Variants in RASGEF1A observed in about 807,000 individuals in gnomAD.
The protein encoded by RASGEF1A is ras-GEF domain-containing family member 1A.
Under a neutral mutation model 56.4 loss-of-function variants are expected in RASGEF1A, and 18 were observed. That is an observed-to-expected ratio of 0.32 (90% confidence interval 0.22 to 0.47). The LOEUF (loss-of-function observed/expected upper bound fraction) is 0.47. Ranked by LOEUF, RASGEF1A falls within the 20% of genes least tolerant of loss-of-function variation. RASGEF1A has a pLI of 1.00. For missense variants in RASGEF1A, 422 were observed against 627.1 expected, an observed-to-expected ratio of 0.67 and a Z score of 3.49; for synonymous variants, 245 against 242.6, an observed-to-expected ratio of 1.01 and a Z score of -0.09.
intron 1 of RASGEF1A, among the ~76,000 whole-genome samples, chr10:43,229,977 G>T (rs1395481125): frequency 1.3e-5 from 2 of 151,960 alleles, no homozygotes; most frequent in Non-Finnish European, 2.9e-5. Flanking sequence ...CGCGCGCCTG[G>T]CGCTAGGTGT....
intron 1 of RASGEF1A, among the ~76,000 whole-genome samples, chr10:43,239,851 T>C (rs544414839): frequency 2.6e-5 from 4 of 152,352 alleles, no homozygotes; most frequent in Admixed American, 1.3e-4. Flanking sequence ...AAACAATTAC[T>C]GGTATTTAAT....
intron 1 of RASGEF1A, among the ~76,000 whole-genome samples, chr10:43,245,350 C>T (rs1293290747): frequency 2.0e-5 from 3 of 152,152 alleles, no homozygotes; most frequent in Non-Finnish European, 4.4e-5. Context: ...TTCTGCCAAA[C>T]ACTTAAAGAA....
intron 1 of RASGEF1A, among the ~76,000 whole-genome samples, chr10:43,235,461 G>A (rs1840418575): frequency 6.6e-6 from 1 of 152,206 alleles, no homozygotes; most frequent in Non-Finnish European, 1.5e-5. Context: ...CACACTCAGA[G>A]AATCCAGGGT....
chr10:43,214,451 C>A (rs1013727597), intron 1 of RASGEF1A, among the ~76,000 whole-genome samples: 3 of 152,206 alleles, frequency 2.0e-5, no homozygotes, highest in Non-Finnish European at 2.9e-5. Context: ...ACCCCGCCCC[C>A]CTTCGTAGGT....
At chr10:43,203,255 T>A (rs368742688) in intron 3 of RASGEF1A, 43 bp downstream of exon 3, 1 of 1,374,194 alleles carries the variant, frequency 7.3e-7, no homozygotes, top group Non-Finnish European at 9.6e-7. Flanking sequence ...CCTCGCCTCC[T>A]GCCCCCTGCC....
At chr10:43,210,753 C>T (rs1452465071) in intron 1 of RASGEF1A, among the ~76,000 whole-genome samples, 1 of 152,244 alleles carries the variant, frequency 6.6e-6, no homozygotes, top group Non-Finnish European at 1.5e-5. Context: ...AGGATGTAGG[C>T]ACAGACGGGG....
At chr10:43,201,440 G>C (rs1056985155) in intron 4 of RASGEF1A, among the ~76,000 whole-genome samples, 5 of 152,172 alleles carry the variant, frequency 3.3e-5, no homozygotes, top group African/African-American at 9.7e-5. Context: ...ATGGGAGACC[G>C]GTTTAAAGCC....
In RASGEF1A at chr10:43,195,468, C is replaced by G. The variant is rs114566207; in HGVS notation, c.*776G>C. 394 of 152,352 alleles carry G rather than the reference C, an allele frequency of 2.6e-3. No individual in the cohort carries two copies. The highest frequency in any genetic ancestry group is 8.6e-3 in the African/African-American group (358 of 41,546). 9.4% of individuals were successfully genotyped at this position (152,352 alleles called of 1,614,324 possible). A position where few individuals can be genotyped will look rare whatever the true frequency, so the allele number is the denominator to read the frequency against. On this transcript the variant is annotated 3_prime_UTR_variant, in exon 13 of 13. Transcript: ENST00000395810. This position sits in a 1 kb window ranked among gnomAD's most constrained non-coding sequence, Gnocchi z 4.2. Reference sequence around the variant, plus strand: ...CTTCATCACAGCTCAGTGTGTCTTTCAGTCACAGCCCAGAAAACTGACAAC... The same window carrying G: ...CTTCATCACAGCTCAGTGTGTCTTTGAGTCACAGCCCAGAAAACTGACAAC...
chr10:43,199,857 G>T (rs1839865758), intron 6 of RASGEF1A, 89 bp from the exon 7 acceptor site: 14 of 1,075,072 alleles, frequency 1.3e-5, no homozygotes, highest in Non-Finnish European at 2.0e-5. Context: ...CCCAGCTATG[G>T]CTCAGCCTGC....
intron 1 of RASGEF1A, among the ~76,000 whole-genome samples, chr10:43,214,170 A>C (rs1840104237): frequency 6.6e-6 from 1 of 152,204 alleles, no homozygotes; most frequent in Non-Finnish European, 1.5e-5. Flanking sequence ...AGCTGCAGCT[A>C]CGATGGAGGC....
At chr10:43,224,391 C>T (rs1840246520) in intron 1 of RASGEF1A, among the ~76,000 whole-genome samples, 1 of 152,126 alleles carries the variant, frequency 6.6e-6, no homozygotes, top group Admixed American at 6.5e-5. Flanking sequence ...ATGAACTCAG[C>T]AGCATTTTTA....
rs751669954 is a variant in RASGEF1A at position 43,196,312 on chromosome 10, G to A, written c.1422-44C>T. ...AGCAGTGCTCAGGCCCGAGCAGGGCGGCTTGGGTCCAAGCCATCCTCAGCC... is the reference window on the plus strand; with the variant it reads ...AGCAGTGCTCAGGCCCGAGCAGGGCAGCTTGGGTCCAAGCCATCCTCAGCC... On this transcript the variant is annotated intron_variant, in intron 12 of 12. Transcript: ENST00000395810. The surrounding 1 kb of genome is among the most constrained non-coding windows in gnomAD (Gnocchi z 4.6). The A allele has an allele frequency of 1.4e-5, 22 of 1,609,522 alleles. No individual in the cohort carries two copies. Among genetic ancestry groups the A allele is most frequent in the African/African-American group, 9.4e-5 (7 of 74,782 alleles).
In RASGEF1A at chr10:43,240,171, C is replaced by G. The variant is rs556521230; in HGVS notation, c.-7+26674G>C. Among the ~76,000 whole-genome samples the G allele has an allele frequency of 3.3e-5, 5 of 152,296 alleles. No homozygotes were observed. In the South Asian group the frequency reaches 1.0e-3, roughly 32 times the overall value. The stretch of plus-strand genomic sequence containing the variant: ...TACCCAAAGACACAGAGCCCCTTAG[C>G]GAAGACTGAGAACTTTATTGACTCC... On this transcript the variant is annotated intron_variant, in intron 1 of 12. Coordinates refer to ENST00000395810, the MANE Select transcript of RASGEF1A (RefSeq NM_145313.4).
chr10:43,243,310 G>C (rs1249236768), intron 1 of RASGEF1A, among the ~76,000 whole-genome samples: 1 of 151,698 alleles, frequency 6.6e-6, no homozygotes, highest in South Asian at 2.1e-4. Flanking sequence ...GCCCCGTCTG[G>C]GAAGTGAGGA....
rs550362088 is a variant in RASGEF1A, at chr10:43,250,517, C to T, written c.-7+16328G>A. Among the ~76,000 whole-genome samples, 8 of 152,366 alleles carry T rather than the reference C, an allele frequency of 5.3e-5. No homozygotes were observed. In the South Asian group the frequency reaches 1.7e-3, roughly 32 times the overall value. On this transcript the variant is annotated intron_variant, in intron 1 of 12. Transcript: ENST00000395810. ...AGAAACAGATTCCTGGGCTCCGCCCCCAGGCCGAGTGAATCAGAGTCTGGG... is the reference window on the plus strand; with the variant it reads ...AGAAACAGATTCCTGGGCTCCGCCCTCAGGCCGAGTGAATCAGAGTCTGGG...
intron 3 of RASGEF1A, 101 bp from the exon 4 acceptor site, chr10:43,202,046 C>G: frequency 2.3e-6 from 3 of 1,328,342 alleles, no homozygotes; most frequent in Non-Finnish European, 3.0e-6. Context: ...ACACCCCAGG[C>G]CCTGTGCTGG....
At chr10:43,238,308 T>C (rs1343758578) in intron 1 of RASGEF1A, among the ~76,000 whole-genome samples, 2 of 151,940 alleles carry the variant, frequency 1.3e-5, no homozygotes, top group Admixed American at 6.6e-5. Flanking sequence ...TTGAGACCTG[T>C]CTTCAGGAGG....
At chr10:43,250,169 T>C (rs992427242) in intron 1 of RASGEF1A, among the ~76,000 whole-genome samples, 3 of 152,254 alleles carry the variant, frequency 2.0e-5, no homozygotes, top group Non-Finnish European at 4.4e-5. Context: ...TCTCTGGCAC[T>C]GTGTACCCTT....
In RASGEF1A at chr10:43,197,108, AG is replaced by A. The variant is rs1564527060; in HGVS notation, c.1225-10del. ...GAGATCTCCCAGAATTTCTGAAGGG[AG>A]CAAAACCAACTGATGTTCATCTGTC... On this transcript the variant is annotated splice_polypyrimidine_tract_variant and intron_variant, in intron 10 of 12. Coordinates refer to ENST00000395810, the MANE Select transcript of RASGEF1A (RefSeq NM_145313.4). The A allele has an allele frequency of 2.5e-6, 4 of 1,613,318 alleles. No individual in the cohort carries two copies. Among genetic ancestry groups the A allele is most frequent in the Non-Finnish European group, 2.5e-6 (3 of 1,179,670 alleles).
Sources: gnomAD v4.1 joint callset for allele counts (sites outside exome capture counted in the v4.1 genomes callset) on GRCh38, gnomAD v4.1.1 for gene constraint, Gnocchi (gnomAD v3.1) non-coding constraint, MANE v1.5 for transcripts, NCBI Gene and HGNC (gene_info 2026-07-23, HGNC 2026-07-21) for gene names.